Variants in SYNE2 observed in about 807,000 individuals in gnomAD.
SYNE2 encodes spectrin repeat containing nuclear envelope protein 2, also known as nesprin-2.
SYNE2 carries 431 observed loss-of-function variants against 856.3 expected under a neutral mutation model. That is an observed-to-expected ratio of 0.50 (90% confidence interval 0.47 to 0.55). SYNE2 has a LOEUF of 0.55. SYNE2 is among the 20% of genes least tolerant of loss of function. SYNE2 has a pLI of 0.00. For missense variants in SYNE2, 8,129 were observed against 8,023.2 expected, an observed-to-expected ratio of 1.01 and a Z score of -0.50; for synonymous variants, 2,923 against 2,872.3, an observed-to-expected ratio of 1.02 and a Z score of -0.56.
At chr14:64,144,027 A>G in intron 83 of SYNE2, 79 bp downstream of exon 83, 1 of 1,538,850 alleles carries the variant, frequency 6.5e-7, no homozygotes, top group Non-Finnish European at 9.0e-7. Context: ...AAAGACGTTC[A>G]ATTAGTTGAC....
chr14:64,217,594 C>T (rs1309980523), intron 108 of SYNE2, among the ~76,000 whole-genome samples: 2 of 152,220 alleles, frequency 1.3e-5, no homozygotes, highest in East Asian at 1.9e-4. Context: ...GGAAAGACCG[C>T]AGTCCCTGAC....
chr14:64,177,297 A>T (rs61984372), intron 95 of SYNE2, 61 bp from the exon 96 acceptor site: 1 of 1,595,296 alleles, frequency 6.3e-7, no homozygotes, highest in East Asian at 2.2e-5. Flanking sequence ...GAGCTATTCT[A>T]TTTCTACAAT....
intron 84 of SYNE2, among the ~76,000 whole-genome samples, chr14:64,148,037 C>T (rs959339392): frequency 4.6e-5 from 7 of 152,058 alleles, no homozygotes; most frequent in East Asian, 1.9e-4. Flanking sequence ...TAAGGCCGGG[C>T]GCAGTGGCTC....
chr14:64,222,863 A>C (rs949665026), intron 112 of SYNE2, among the ~76,000 whole-genome samples: 1 of 152,214 alleles, frequency 6.6e-6, no homozygotes, highest in African/African-American at 2.4e-5. Context: ...GATTGACTTT[A>C]GAGTTTCCCT....
chr14:63,940,744 C>A, intron 3 of SYNE2, 69 bp downstream of exon 3: 5 of 1,404,890 alleles, frequency 3.6e-6, no homozygotes, highest in Non-Finnish European at 4.0e-6. Context: ...CTGTTTTGAC[C>A]CCAAGGAGGC....
intron 69 of SYNE2, 58 bp from the exon 70 acceptor site, chr14:64,122,228 T>G: frequency 6.2e-7 from 1 of 1,614,094 alleles, no homozygotes; most frequent in Non-Finnish European, 8.5e-7. Flanking sequence ...GAACTGTGAA[T>G]GTAATACAAA....
Position 63,895,590 on chromosome 14 carries a change from CAA to C in SYNE2, c.-51-13488_-51-13487del, listed in dbSNP as rs34613830. 8.7e-4 allele frequency among the ~76,000 whole-genome samples: 77 copies of C among 88,370 alleles called. 1 individual carries two copies. The highest frequency in any genetic ancestry group is 2.4e-3 in the African/African-American group (56 of 23,714). 58.0% of individuals were successfully genotyped at this position (88,370 alleles called of 152,430 possible). A position where few individuals can be genotyped will look rare whatever the true frequency, so the allele number is the denominator to read the frequency against. On this transcript the variant is annotated intron_variant, in intron 1 of 115. Transcript: ENST00000555002. ...CAACATGGCAAGATCCTGTCTCTAT[CAA>C]AAAAAAAAAAAAAAAAAAATTCAGA... is the stretch of plus-strand genomic sequence containing the variant.
At chr14:64,192,670 C>G (rs1435516928) in intron 99 of SYNE2, among the ~76,000 whole-genome samples, 1 of 152,038 alleles carries the variant, frequency 6.6e-6, no homozygotes, top group Admixed American at 6.5e-5. Flanking sequence ...AAGTAGATAC[C>G]ATTGTCCCAT....
intron 1 of SYNE2, among the ~76,000 whole-genome samples, chr14:63,859,945 T>TTCCTTCCTTCCC (rs1555349402): frequency 1.1e-4 from 11 of 100,570 alleles, no homozygotes; most frequent in Non-Finnish European, 2.4e-4. Context: ...CTCCCCTTCC[T>TTCCTTCCTTCCC]TCCCTCCCTC....
In SYNE2 at chr14:64,053,571, T is replaced by C. The variant is rs202151465; in HGVS notation, c.9658T>C (p.Ser3220Pro). 2 of 1,614,162 alleles carry C rather than the reference T, an allele frequency of 1.2e-6. No individual in the cohort carries two copies. Among genetic ancestry groups the C allele is most frequent in the East Asian group, 2.2e-5 (1 of 44,884 alleles). ...TAIEKQREEN[S>P]SEASDVETKL... ...TATTGAGAAACAAAGAGAAGAAAAC[T>C]CTTCTGAAGCGAGTGATGTGGAGAC... is the stretch of plus-strand genomic sequence containing the variant. The change falls in exon 48 of 116, where the codon TCT becomes CCT. Residue 3220 changes from serine (S) to proline (P), a missense_variant. By Grantham distance (74) the Ser-to-Pro change is moderately conservative (BLOSUM62 -1). Coordinates refer to ENST00000555002, the MANE Select transcript of SYNE2 (RefSeq NM_182914.3).
intron 84 of SYNE2, among the ~76,000 whole-genome samples, 165 bp downstream of exon 84, chr14:64,146,388 A>G (rs2098187850): frequency 2.0e-5 from 3 of 152,156 alleles, no homozygotes; most frequent in Admixed American, 1.3e-4. Flanking sequence ...GGTTTTACAA[A>G]ATTGCAAAGT....
intron 109 of SYNE2, 84 bp from the exon 110 acceptor site, chr14:64,219,124 T>TTTTTTTTTTTTTA (rs369808458): frequency 3.9e-5 from 33 of 846,364 alleles, no homozygotes; most frequent in East Asian, 9.1e-5. Context: ...TTTTTTTTTT[T>TTTTTTTTTTTTTA]AACCACCCTG....
chr14:64,162,427 G>A (rs2098336764), intron 88 of SYNE2, 151 bp downstream of exon 88: 4 of 807,082 alleles, frequency 5.0e-6, no homozygotes, highest in Admixed American at 2.0e-5. Flanking sequence ...AGGCAAGGCT[G>A]GGAGGACCAG....
At chr14:63,966,237 C>T (rs987449829) in intron 10 of SYNE2, among the ~76,000 whole-genome samples, 2 of 151,906 alleles carry the variant, frequency 1.3e-5, no homozygotes, top group Non-Finnish European at 2.9e-5. Context: ...TATCTATGGC[C>T]AGTTGTGGTG....
intron 1 of SYNE2, among the ~76,000 whole-genome samples, chr14:63,817,697 A>G (rs1889049854): frequency 6.6e-6 from 1 of 152,208 alleles, no homozygotes; most frequent in Non-Finnish European, 1.5e-5. Flanking sequence ...CAGAAAAAGC[A>G]TGTAACAAAG....
chr14:64,003,604 G>C (rs2096772012), intron 30 of SYNE2, among the ~76,000 whole-genome samples: 1 of 152,178 alleles, frequency 6.6e-6, no homozygotes, highest in Non-Finnish European at 1.5e-5. Flanking sequence ...TACTGTACAT[G>C]AGTTACTTCC....
At chr14:64,120,113 G>A (rs2097886982) in intron 67 of SYNE2, among the ~76,000 whole-genome samples, 1 of 152,148 alleles carries the variant, frequency 6.6e-6, no homozygotes. Flanking sequence ...AAATGCAAAT[G>A]TGCATCTTAT....
chr14:63,787,845 C>A lies in SYNE2; in HGVS notation c.-305+25859C>A, dbSNP rs1353568066. On this transcript the variant is annotated intron_variant, in intron 1 of 23. Transcript: ENST00000674003. ...CTGACCTGCAGCCTTCAGGCCCTCC[C>A]TGCCCTGAAGGTGGGGTCTTACAGG... 2.0e-5 allele frequency among the ~76,000 whole-genome samples: 3 copies of A among 152,330 alleles called. No homozygotes were observed. In the East Asian group the frequency reaches 5.8e-4, roughly 29 times the overall value.
intron 1 of SYNE2, among the ~76,000 whole-genome samples, chr14:63,782,464 T>C (rs1887353861): frequency 1.6e-5 from 1 of 61,832 alleles, no homozygotes; most frequent in African/African-American, 6.7e-5. Context: ...TGAAACTCCA[T>C]CTCAAAAAAA....
Sources: allele counts gnomAD v4.1 joint callset (sites outside exome capture counted in the v4.1 genomes callset), GRCh38; gene constraint gnomAD v4.1.1; transcripts MANE v1.5; gene names NCBI Gene and HGNC (gene_info 2026-07-23, HGNC 2026-07-21).